KLHL1: variants seen among roughly 807,000 people sequenced by gnomAD.
KLHL1 encodes the protein kelch like family member 1, also known as kelch-like protein 1.
Under a neutral mutation model 77.7 loss-of-function variants are expected in KLHL1, and 47 were observed. The observed-to-expected ratio is 0.60, with a 90% CI of 0.48 to 0.77. The LOEUF (loss-of-function observed/expected upper bound fraction) is 0.77. Ranked by LOEUF, KLHL1 falls within the 30% of genes least tolerant of loss-of-function variation. The pLI, the probability that KLHL1 is intolerant of heterozygous loss-of-function variation, is 0.00. For synonymous variants in KLHL1, 360 were observed against 325.2 expected (o/e 1.11, Z -1.15); for missense variants, 925 against 910.8 (o/e 1.02, Z -0.20).
chr13:69,754,677 A>G (rs1176437702), intron 7 of KLHL1, among the ~76,000 whole-genome samples: 1 of 152,170 alleles, frequency 6.6e-6, no homozygotes, highest in Non-Finnish European at 1.5e-5. Context: ...ATCCTAATAC[A>G]AATGCCATCA....
intron 1 of KLHL1, among the ~76,000 whole-genome samples, chr13:70,016,691 C>T (rs1885666652): frequency 6.6e-6 from 1 of 152,260 alleles, no homozygotes; most frequent in South Asian, 2.1e-4. Context: ...GCTTGGGCAC[C>T]ATGGATGACC....
At chr13:69,864,221 C>T (rs1880282159) in intron 5 of KLHL1, among the ~76,000 whole-genome samples, 1 of 151,858 alleles carries the variant, frequency 6.6e-6, no homozygotes, top group African/African-American at 2.4e-5. Context: ...AGTAAAATGA[C>T]TTCACTTCTA....
chr13:69,950,236 G>T (rs1883664129), intron 3 of KLHL1, among the ~76,000 whole-genome samples: 1 of 151,606 alleles, frequency 6.6e-6, no homozygotes, highest in South Asian at 2.1e-4. Flanking sequence ...ACCTATAAAA[G>T]TCCACTGCAT....
chr13:69,896,811 G>C (rs1481904336), intron 4 of KLHL1, among the ~76,000 whole-genome samples: 1 of 151,724 alleles, frequency 6.6e-6, no homozygotes, highest in Non-Finnish European at 1.5e-5. Flanking sequence ...TGGGACTACA[G>C]GCGCACACCA....
intron 1 of KLHL1, among the ~76,000 whole-genome samples, chr13:70,092,446 T>A (rs1181380738): frequency 2.6e-5 from 4 of 152,174 alleles, no homozygotes; most frequent in African/African-American, 7.2e-5. Flanking sequence ...TATTAAACTC[T>A]GTCGTCTTTG....
Position 69,740,568 on chromosome 13 carries a change from G to C in KLHL1, c.1640-12C>G. 1.3e-6 allele frequency: 2 copies of C among 1,588,214 alleles called. No individual in the cohort carries two copies. The highest frequency in any genetic ancestry group is 1.7e-6 in the Non-Finnish European group (2 of 1,161,834). On this transcript the variant is annotated splice_polypyrimidine_tract_variant and intron_variant, in intron 7 of 10. Coordinates refer to ENST00000377844, the MANE Select transcript of KLHL1 (RefSeq NM_020866.3). ...AAGTACTGTTACACCTAAAATATTA[G>C]ATAAATGAATGTAGTGCCTATAGTT...
At chr13:69,981,616 A>G (rs533827587) in intron 1 of KLHL1, among the ~76,000 whole-genome samples, 1 of 152,060 alleles carries the variant, frequency 6.6e-6, no homozygotes, top group Non-Finnish European at 1.5e-5. Context: ...TTATATTTGC[A>G]TTAGAGTTAT....
At chr13:70,103,349 C>T (rs1887970163) in intron 1 of KLHL1, among the ~76,000 whole-genome samples, 1 of 152,086 alleles carries the variant, frequency 6.6e-6, no homozygotes, top group South Asian at 2.1e-4. Flanking sequence ...ACCAGGTAAT[C>T]CATGGTACAG....
intron 7 of KLHL1, among the ~76,000 whole-genome samples, chr13:69,763,042 C>G (rs140130826): frequency 8.9e-4 from 135 of 152,096 alleles, no homozygotes; most frequent in Non-Finnish European, 1.7e-3. Flanking sequence ...GGATGGGCAT[C>G]CTTTGTTAGG....
chr13:70,079,776 T>C (rs888895899), intron 1 of KLHL1, among the ~76,000 whole-genome samples: 1 of 152,160 alleles, frequency 6.6e-6, no homozygotes, highest in Non-Finnish European at 1.5e-5. Flanking sequence ...GAAGCATTAG[T>C]GATGTTAATA....
intron 1 of KLHL1, among the ~76,000 whole-genome samples, chr13:69,986,794 TTGAAG>T (rs1004158658): frequency 6.9e-4 from 105 of 152,090 alleles, no homozygotes; most frequent in African/African-American, 2.5e-3. Flanking sequence ...GGAAAAGAAA[TTGAAG>T]TGATGTCAAG....
intron 4 of KLHL1, among the ~76,000 whole-genome samples, chr13:69,937,008 C>T (rs1883207369): frequency 6.6e-6 from 1 of 152,176 alleles, no homozygotes; most frequent in African/African-American, 2.4e-5. Context: ...TCATATCTTA[C>T]ATGAATGCCT....
At chr13:69,931,248 A>G (rs1882995979) in intron 4 of KLHL1, among the ~76,000 whole-genome samples, 1 of 151,704 alleles carries the variant, frequency 6.6e-6, no homozygotes, top group Admixed American at 6.6e-5. Context: ...CTGAATATTT[A>G]CTCAGTGTTA....
intron 4 of KLHL1, among the ~76,000 whole-genome samples, chr13:69,922,118 CT>C (rs200732755): frequency 4.6e-5 from 7 of 151,390 alleles, no homozygotes; most frequent in African/African-American, 1.7e-4. Context: ...ATTTGCCTTC[CT>C]TTTTTTTAAT....
chr13:70,028,342 T>G (rs1288703390), intron 1 of KLHL1, among the ~76,000 whole-genome samples: 1 of 152,170 alleles, frequency 6.6e-6, no homozygotes, highest in African/African-American at 2.4e-5. Context: ...CACTTATAAT[T>G]CAGTATATAT....
chr13:69,982,627 T>C (rs1047696497), intron 1 of KLHL1, among the ~76,000 whole-genome samples: 23 of 151,544 alleles, frequency 1.5e-4, no homozygotes, highest in African/African-American at 5.1e-4. Flanking sequence ...TTCTTCCCTG[T>C]CAATAATTAC....
chr13:69,996,909 A>ATTTT (rs1566484216), intron 1 of KLHL1, among the ~76,000 whole-genome samples: 2 of 106,622 alleles, frequency 1.9e-5, no homozygotes, highest in East Asian at 2.9e-4. Flanking sequence ...TTATTCATTA[A>ATTTT]ATTTTTTTTT....
intron 1 of KLHL1, among the ~76,000 whole-genome samples, chr13:70,068,853 G>A (rs1887074510): frequency 6.6e-6 from 1 of 152,128 alleles, no homozygotes; most frequent in African/African-American, 2.4e-5. Context: ...GCTCAGTCTC[G>A]TCGTGGGGGA....
intron 1 of KLHL1, among the ~76,000 whole-genome samples, chr13:70,032,154 T>C (rs1279455688): frequency 6.6e-6 from 1 of 152,206 alleles, no homozygotes; most frequent in Non-Finnish European, 1.5e-5. Context: ...TGTGTAGTGC[T>C]AAGGATAGAA....
Sources: allele counts gnomAD v4.1 joint callset (sites outside exome capture counted in the v4.1 genomes callset), GRCh38; gene constraint gnomAD v4.1.1; transcripts MANE v1.5; gene names NCBI Gene and HGNC (gene_info 2026-07-23, HGNC 2026-07-21).